SPAG1: variants seen among roughly 807,000 people sequenced by gnomAD.
SPAG1 encodes the protein sperm associated antigen 1, also known as sperm-associated antigen 1.
A neutral mutation model predicts 100.5 loss-of-function variants in SPAG1; 69 were observed. That is an observed-to-expected ratio of 0.69 (90% confidence interval 0.57 to 0.84). SPAG1 has a LOEUF of 0.84. Among genes scored for constraint, SPAG1 ranks in the 40% least tolerant of loss-of-function variants. The pLI is 0.00. For missense variants in SPAG1, 955 were observed against 1,133.1 expected, an observed-to-expected ratio of 0.84 and a Z score of 2.26; for synonymous variants, 336 against 411.6, an observed-to-expected ratio of 0.82 and a Z score of 2.22.
At chr8:100,224,781 T>G (rs1818434086) in intron 13 of SPAG1, among the ~76,000 whole-genome samples, 1 of 152,196 alleles carries the variant, frequency 6.6e-6, no homozygotes, top group Non-Finnish European at 1.5e-5. Flanking sequence ...AAAATACTTC[T>G]GATCATTCTC....
intron 10 of SPAG1, among the ~76,000 whole-genome samples, chr8:100,198,132 T>C (rs1281668802): frequency 1.3e-5 from 2 of 152,218 alleles, no homozygotes; most frequent in Non-Finnish European, 2.9e-5. Context: ...CTTGCAGTGC[T>C]GTTGGTGTTG....
At chr8:100,189,178 A>T (rs959137006) in intron 8 of SPAG1, among the ~76,000 whole-genome samples, 2 of 87,404 alleles carry the variant, frequency 2.3e-5, no homozygotes, top group Non-Finnish European at 4.9e-5. Flanking sequence ...CTAAAAATTA[A>T]AAAAAAAAAA....
chr8:100,164,399 T>C (rs1227865770), intron 2 of SPAG1, among the ~76,000 whole-genome samples: 1 of 152,192 alleles, frequency 6.6e-6, no homozygotes, highest in East Asian at 1.9e-4. Flanking sequence ...GATTTGAAAC[T>C]TAGAAAAAGT....
intron 3 of SPAG1, 88 bp from the exon 4 acceptor site, chr8:100,177,726 CTT>C: frequency 1.3e-6 from 1 of 743,536 alleles, no homozygotes; most frequent in African/African-American, 1.8e-5. Flanking sequence ...GCAGTTCAAA[CTT>C]ATATTGTTCA....
intron 13 of SPAG1, among the ~76,000 whole-genome samples, chr8:100,222,931 C>G (rs1818347755): frequency 6.6e-6 from 1 of 152,158 alleles, no homozygotes; most frequent in African/African-American, 2.4e-5. Context: ...CCCCATTTTC[C>G]TTTCCCCCCA....
chr8:100,215,162 C>G (rs1817920895), intron 12 of SPAG1, among the ~76,000 whole-genome samples: 1 of 150,932 alleles, frequency 6.6e-6, no homozygotes, highest in Non-Finnish European at 1.5e-5. Context: ...TCTGCCTGTC[C>G]CCCTCTTCCC....
chr8:100,180,462 G>T (rs1053207321), intron 4 of SPAG1, among the ~76,000 whole-genome samples: 2 of 152,070 alleles, frequency 1.3e-5, no homozygotes, highest in Admixed American at 1.3e-4. Context: ...CCCTTAAGGG[G>T]GATACTTGTC....
intron 6 of SPAG1, 108 bp downstream of exon 6, chr8:100,184,170 A>C (rs1379656597): frequency 8.3e-6 from 4 of 481,062 alleles, no homozygotes; most frequent in Non-Finnish European, 1.5e-5. Flanking sequence ...GATTACCATG[A>C]AAAGTTTATG....
intron 16 of SPAG1, among the ~76,000 whole-genome samples, chr8:100,237,229 C>A (rs1453658171): frequency 6.6e-6 from 1 of 152,118 alleles, no homozygotes; most frequent in African/African-American, 2.4e-5. Context: ...TACAGATGTG[C>A]ACCACCACAT....
intron 16 of SPAG1, among the ~76,000 whole-genome samples, chr8:100,236,238 G>A (rs1382968556): frequency 1.3e-5 from 2 of 152,112 alleles, no homozygotes; most frequent in Non-Finnish European, 2.9e-5. Context: ...AGATTATGAG[G>A]CTGGTAGCTT....
chr8:100,184,851 G>A, intron 7 of SPAG1, 118 bp downstream of exon 7: 3 of 634,066 alleles, frequency 4.7e-6, no homozygotes, highest in Non-Finnish European at 8.0e-6. Context: ...TATTGTACTT[G>A]TGATTTATCA....
In SPAG1 at chr8:100,207,914, A is replaced by T. The variant is rs542727714; in HGVS notation, c.1097-5176A>T. Among the ~76,000 whole-genome samples the T allele has an allele frequency of 1.2e-3, 184 of 152,284 alleles. 1 individual carries two copies. Among genetic ancestry groups the T allele is most frequent in the African/African-American group, 4.1e-3 (172 of 41,550 alleles). On this transcript the variant is annotated intron_variant, in intron 10 of 18. Coordinates refer to ENST00000388798, the MANE Select transcript of SPAG1 (RefSeq NM_003114.5). ...ATTACAAAATCAACTAGGTGACAAT[A>T]CTTTGCAGGGCTGGGGCAAAGTTCT...
rs1816214797 is a variant in SPAG1 at position 100,178,228 on chromosome 8, T to C, written c.426+287T>C. On this transcript the variant is annotated intron_variant, in intron 4 of 18. Coordinates refer to ENST00000388798, the MANE Select transcript of SPAG1 (RefSeq NM_003114.5). ...TTTTTTATACACCCTGTCTCTTCCG[T>C]CCAGTTTTGATGAGAGCAAAAGGTC... 1.3e-5 allele frequency among the ~76,000 whole-genome samples: 2 copies of C among 152,084 alleles called. 1 individual carries two copies. Among genetic ancestry groups the C allele is most frequent in the South Asian group, 4.1e-4 (2 of 4,828 alleles).
At chr8:100,200,288 A>G (rs1232755837) in intron 10 of SPAG1, among the ~76,000 whole-genome samples, 3 of 152,184 alleles carry the variant, frequency 2.0e-5, no homozygotes, top group Non-Finnish European at 2.9e-5. Flanking sequence ...ATCCTTTTTT[A>G]TAGCTGCATA....
chr8:100,225,829 GT>G (rs879577104), intron 14 of SPAG1, among the ~76,000 whole-genome samples: 2 of 151,492 alleles, frequency 1.3e-5, no homozygotes, highest in African/African-American at 4.9e-5. Flanking sequence ...ATGTAAAAGC[GT>G]TTTTTGTTTT....
chr8:100,170,289 G>A (rs1197058936), intron 3 of SPAG1, among the ~76,000 whole-genome samples: 1 of 152,034 alleles, frequency 6.6e-6, no homozygotes, highest in Non-Finnish European at 1.5e-5. Context: ...ATTATATGTA[G>A]CTCATGCTAT....
At chr8:100,193,966 T>C (rs1200796312) in intron 9 of SPAG1, 146 bp from the exon 10 acceptor site, 5 of 595,514 alleles carry the variant, frequency 8.4e-6, no homozygotes, top group Non-Finnish European at 1.3e-5. Flanking sequence ...ACAGTGGACA[T>C]CTATGATTAC....
intron 3 of SPAG1, among the ~76,000 whole-genome samples, chr8:100,168,687 C>CTTTTTTTTTTTTTTTTTTT (rs747506730): frequency 0.012 from 1,158 of 95,176 alleles, 189 homozygotes; most frequent in Middle Eastern, 0.027. Flanking sequence ...GCCCAGCCAT[C>CTTTTTTTTTTTTTTTTTTT]TTTTTTTTTT....
At chr8:100,158,436 C>T (rs1342490156), upstream of SPAG1, 1 of 152,246 alleles carries the variant, frequency 6.6e-6, no homozygotes, top group Non-Finnish European at 1.5e-5. Flanking sequence ...GTGGGGCTCC[C>T]CAGTCCCGGC....
Sources: gnomAD v4.1 joint callset for allele counts (sites outside exome capture counted in the v4.1 genomes callset) on GRCh38, gnomAD v4.1.1 for gene constraint, MANE v1.5 for transcripts, NCBI Gene and HGNC (gene_info 2026-07-23, HGNC 2026-07-21) for gene names.